KDM4C: variants seen among roughly 807,000 people sequenced by gnomAD.
KDM4C encodes lysine-specific demethylase 4C.
Under a neutral mutation model 129.3 loss-of-function variants are expected in KDM4C, and 81 were observed. The observed-to-expected ratio is 0.63, with a 90% CI of 0.52 to 0.75. The LOEUF (loss-of-function observed/expected upper bound fraction) is 0.75, where lower values mean the gene tolerates loss of function less well. KDM4C is among the 30% of genes least tolerant of loss of function. KDM4C has a pLI of 0.00. For synonymous variants in KDM4C, 573 were observed against 456.1 expected, an observed-to-expected ratio of 1.26 and a Z score of -3.26; for missense variants, 1,457 against 1,304.0, an observed-to-expected ratio of 1.12 and a Z score of -1.81.
rs541770735 is a variant in KDM4C, at chr9:6,900,826, G to C, written c.921+7594G>C. Among the ~76,000 whole-genome samples, 3 of 152,320 alleles carry C rather than the reference G, an allele frequency of 2.0e-5. No homozygotes were observed. The East Asian group carries it at 5.8e-4, about 29-fold the overall frequency. On this transcript the variant is annotated intron_variant, in intron 8 of 21. Transcript: ENST00000381309. ...TTCTCTTTCATTTTATCAAGTGTGT[G>C]TGGGGAAGTTCTGAGGCATCTGTCT...
chr9:7,045,161 A>T (rs1829210015), intron 15 of KDM4C, among the ~76,000 whole-genome samples: 1 of 152,012 alleles, frequency 6.6e-6, no homozygotes, highest in Admixed American at 6.6e-5. Context: ...GCTCTAGAAC[A>T]TGTGTACCTG....
chr9:7,108,392 A>C (rs1422907799), intron 18 of KDM4C, among the ~76,000 whole-genome samples: 1 of 151,936 alleles, frequency 6.6e-6, no homozygotes, highest in Non-Finnish European at 1.5e-5. Context: ...GTGCGCCCCC[A>C]TGTCCTGCTA....
chr9:7,022,637 C>CT lies in KDM4C; in HGVS notation c.2259+6722dup, dbSNP rs375675040. On this transcript the variant is annotated intron_variant, in intron 15 of 21. Coordinates refer to ENST00000381309, the MANE Select transcript of KDM4C (RefSeq NM_015061.6). ...TTTCCAATTTGCAAACCCTTTATTT[C>CT]TTTTTTTTTTTTTTGTCTGATTACG... 1.7e-3 allele frequency among the ~76,000 whole-genome samples: 229 copies of CT among 133,960 alleles called. 5 individuals are homozygous for CT. Among genetic ancestry groups the CT allele is most frequent in the South Asian group, 3.9e-3 (17 of 4,382 alleles). 87.9% of individuals were successfully genotyped at this position (133,960 alleles called of 152,430 possible). A position where few individuals can be genotyped will look rare whatever the true frequency, so the allele number is the denominator to read the frequency against.
intron 1 of KDM4C, among the ~76,000 whole-genome samples, chr9:6,730,564 G>A (rs1163973525): frequency 2.0e-5 from 3 of 151,206 alleles, no homozygotes; most frequent in East Asian, 1.9e-4. Context: ...GCAGTGAGCC[G>A]AGATCGTGCC....
At chr9:6,993,002 T>C (rs1819028999) in intron 12 of KDM4C, among the ~76,000 whole-genome samples, 1 of 152,182 alleles carries the variant, frequency 6.6e-6, no homozygotes, top group Non-Finnish European at 1.5e-5. Context: ...TGCTATTCTC[T>C]TTAGGACAGT....
chr9:6,861,245 G>A (rs1840866581), intron 5 of KDM4C, among the ~76,000 whole-genome samples: 1 of 151,946 alleles, frequency 6.6e-6, no homozygotes, highest in South Asian at 2.1e-4. Flanking sequence ...GTGTATTTTG[G>A]TCTTGTCTCT....
At chr9:7,135,490 TTTCTC>T (rs1214660511) in intron 19 of KDM4C, among the ~76,000 whole-genome samples, 1 of 152,206 alleles carries the variant, frequency 6.6e-6, no homozygotes, top group Non-Finnish European at 1.5e-5. Context: ...TTCATCATCT[TTTCTC>T]AGTGCTGAAT....
chr9:7,044,687 A>C (rs1354134831), intron 15 of KDM4C, among the ~76,000 whole-genome samples: 1 of 151,972 alleles, frequency 6.6e-6, no homozygotes, highest in Non-Finnish European at 1.5e-5. Flanking sequence ...TGTGTGTTTG[A>C]GATACCTGTG....
rs188361913 is a variant in KDM4C, at chr9:6,950,319, A to G, written c.922-30606A>G. 2.9e-3 allele frequency among the ~76,000 whole-genome samples: 436 copies of G among 152,270 alleles called. 2 individuals are homozygous for G. Among genetic ancestry groups the G allele is most frequent in the Non-Finnish European group, 4.5e-3 (306 of 68,022 alleles). On this transcript the variant is annotated intron_variant, in intron 8 of 21. Coordinates refer to ENST00000381309, the MANE Select transcript of KDM4C (RefSeq NM_015061.6). ...TTTGTTAATGTTGGCATTTTAAATA[A>G]TCATGGTAAGTAGAAATCTATGTTT... is the stretch of plus-strand genomic sequence containing the variant.
rs1056750162 is a variant in KDM4C, at chr9:6,732,090, G to T, written c.49+11093G>T. Among the ~76,000 whole-genome samples, 4 of 152,168 alleles carry T rather than the reference G, an allele frequency of 2.6e-5. No homozygotes were observed. In the East Asian group the frequency reaches 7.7e-4, roughly 29 times the overall value. ...TAGATCAAAGAATGAGGCTGGGGCT[G>T]GGTGTGGTGGCTCACATCTGTAATC... On this transcript the variant is annotated intron_variant, in intron 1 of 17. Transcript: ENST00000536108.
At chr9:6,875,671 A>G (rs759069902) in intron 5 of KDM4C, among the ~76,000 whole-genome samples, 11 of 152,336 alleles carry the variant, frequency 7.2e-5, no homozygotes, top group African/African-American at 9.6e-5. Flanking sequence ...ACTAACTGCC[A>G]TATGATAGTA....
chr9:7,128,318 C>G lies in KDM4C; in HGVS notation c.2781+82C>G, dbSNP rs1425346415. The stretch of plus-strand genomic sequence containing the variant: ...AGTAACTGAGCCCTTCAGAATTTTT[C>G]TTTTGGCTTTTTGAGTAGCTCATTC... On this transcript the variant is annotated intron_variant, in intron 19 of 21. Coordinates refer to ENST00000381309, the MANE Select transcript of KDM4C (RefSeq NM_015061.6). 1.0e-5 allele frequency: 12 copies of G among 1,187,138 alleles called. No individual in the cohort carries two copies. In the African/African-American group the frequency reaches 1.9e-4, roughly 19 times the overall value. 73.5% of individuals were successfully genotyped at this position (1,187,138 alleles called of 1,614,324 possible). A position where few individuals can be genotyped will look rare whatever the true frequency, so the allele number is the denominator to read the frequency against.
chr9:6,725,433 T>G (rs1446279598), intron 1 of KDM4C, among the ~76,000 whole-genome samples: 1 of 152,156 alleles, frequency 6.6e-6, no homozygotes, highest in Non-Finnish European at 1.5e-5. Context: ...ATGTTTCTTT[T>G]GCTGAATAAT....
At chr9:6,825,063 T>C (rs1046654668) in intron 4 of KDM4C, among the ~76,000 whole-genome samples, 2 of 143,324 alleles carry the variant, frequency 1.4e-5, no homozygotes, top group African/African-American at 2.6e-5. Flanking sequence ...AGAGAATTGC[T>C]CAAACCCAAG....
At chr9:7,092,116 TTTTTTCTTC>T in intron 17 of KDM4C, among the ~76,000 whole-genome samples, 1 of 152,256 alleles carries the variant, frequency 6.6e-6, no homozygotes, top group Non-Finnish European at 1.5e-5. Context: ...CTGCTGTTTC[TTTTTTCTTC>T]TTCTTCTTCA....
intron 17 of KDM4C, among the ~76,000 whole-genome samples, chr9:7,072,365 A>G (rs1317046377): frequency 6.6e-6 from 1 of 152,182 alleles, no homozygotes; most frequent in East Asian, 1.9e-4. Flanking sequence ...AAAAAATGGA[A>G]GCAACTCAGT....
At chr9:7,066,349 G>T (rs948103058) in intron 17 of KDM4C, among the ~76,000 whole-genome samples, 2 of 152,142 alleles carry the variant, frequency 1.3e-5, no homozygotes, top group African/African-American at 4.8e-5. Context: ...GAACTTTCAA[G>T]GATGTCATTT....
At chr9:6,771,839 A>G (rs1410080301) in intron 1 of KDM4C, among the ~76,000 whole-genome samples, 1 of 151,998 alleles carries the variant, frequency 6.6e-6, no homozygotes, top group African/African-American at 2.4e-5. Context: ...GGAGGGCCTC[A>G]ATGGGTGACC....
chr9:7,044,208 C>G (rs1025928083), intron 15 of KDM4C, among the ~76,000 whole-genome samples: 1 of 151,880 alleles, frequency 6.6e-6, no homozygotes, highest in Non-Finnish European at 1.5e-5. Flanking sequence ...GAGGGAGTAA[C>G]ATTTAGGTTG....
Sources: allele counts gnomAD v4.1 joint callset (sites outside exome capture counted in the v4.1 genomes callset), GRCh38; gene constraint gnomAD v4.1.1; transcripts MANE v1.5; gene names NCBI Gene and HGNC (gene_info 2026-07-23, HGNC 2026-07-21).